The following CLPS variants were observed in gnomAD, a reference collection of about 807,000 sequenced individuals.
The protein encoded by CLPS is colipase, pancreatic.
In CLPS, 8 loss-of-function variants were observed where a neutral mutation model predicts 9.3. The ratio of observed to expected loss-of-function variants is 0.86; its 90% confidence interval spans 0.51 to 1.56. CLPS has a LOEUF of 1.56. Among genes scored for constraint, CLPS ranks in the 40% most tolerant of loss-of-function variants. CLPS has a pLI of 0.00. For missense variants in CLPS, 144 were observed against 145.7 expected, an observed-to-expected ratio of 0.99 and a Z score of 0.06; for synonymous variants, 61 against 56.2, an observed-to-expected ratio of 1.09 and a Z score of -0.39.
In CLPS at chr6:35,795,231, G is replaced by C; in HGVS notation, c.254C>G (p.Thr85Ser). 6.2e-7 allele frequency: 1 copy of C among 1,614,228 alleles called. No individual in the cohort carries two copies. The highest frequency in any genetic ancestry group is 1.3e-5 in the African/African-American group (1 of 75,068). The change falls in exon 3 of 3, where the codon ACC becomes AGC. Residue 85 changes from threonine (T) to serine (S), a missense_variant. Thr to Ser is a moderately conservative substitution (Grantham distance 58). Transcript: ENST00000259938. ...YYKCPCERGLTCEGDKTIVGS... is the reference protein window; with the variant it reads ...YYKCPCERGLSCEGDKTIVGS... ...CACGATGGTCTTGTCTCCCTCACAG[G>C]TCAGGCCACGCTCACAGGGACACTT...
chr6:35,795,145 C>G lies in CLPS; in HGVS notation c.*1G>C, dbSNP rs1241700686. The G allele has an allele frequency of 6.2e-7, 1 of 1,613,370 alleles. No homozygotes were observed. The highest frequency in any genetic ancestry group is 1.1e-5 in the South Asian group (1 of 90,938). On this transcript the variant is annotated 3_prime_UTR_variant, in exon 3 of 3. Coordinates refer to ENST00000259938, the MANE Select transcript of CLPS (RefSeq NM_001832.4). ...CTAGGTGTGGGAGTGGGTGGGCAGTCTCACTGCTTGGAGCGTCCAGCGTCA... is the reference window on the plus strand; with the variant it reads ...CTAGGTGTGGGAGTGGGTGGGCAGTGTCACTGCTTGGAGCGTCCAGCGTCA...
At chr6:35,795,931 T>A in intron 1 of CLPS, 78 bp from the exon 2 acceptor site, 1 of 1,578,782 alleles carries the variant, frequency 6.3e-7, no homozygotes, top group Non-Finnish European at 8.6e-7. Context: ...CACCACACAC[T>A]ACCACTAACA....
intron 2 of CLPS, 102 bp from the exon 3 acceptor site, chr6:35,795,379 C>T (rs777322569): frequency 5.3e-5 from 79 of 1,501,992 alleles, no homozygotes; most frequent in African/African-American, 9.6e-5. Flanking sequence ...CCTGTGTTTT[C>T]GGGGAGTGCC....
intron 1 of CLPS, chr6:35,796,806 C>A (rs1339669095): frequency 1.3e-5 from 6 of 455,600 alleles, no homozygotes; most frequent in Admixed American, 4.9e-5. Context: ...TTATGGCAGG[C>A]ACCTGTAATC....
In CLPS at chr6:35,795,817, T is replaced by A; in HGVS notation, c.121A>T (p.Lys41Ter). 6.2e-7 allele frequency: 1 copy of A among 1,613,288 alleles called. No individual in the cohort carries two copies. The highest frequency in any genetic ancestry group is 2.2e-5 in the East Asian group (1 of 44,880). Residue 41 changes from lysine to a stop codon, truncating the protein, a stop_gained, in exon 2 of 3, where the codon AAG (lysine) becomes TAG (stop). Transcript: ENST00000259938. LOFTEE classifies it high-confidence loss of function. ...GELCMNSAQC[K>*]SNCCQHSSAL... Reference sequence around the variant, plus strand: ...CTTGAATGCTGGCAGCAATTGCTCTTACACTGGGCACTATTCATGCAGAGC... The same window carrying A: ...CTTGAATGCTGGCAGCAATTGCTCTAACACTGGGCACTATTCATGCAGAGC...
At position 35,795,041 on chromosome 6, in the gene CLPS, C is replaced by A. The variant is rs1287148024; in HGVS notation, c.*105G>T. 1 of 1,475,168 alleles carries A rather than the reference C, an allele frequency of 6.8e-7. No individual in the cohort carries two copies. Among genetic ancestry groups the A allele is most frequent in the African/African-American group, 1.4e-5 (1 of 71,642 alleles). The allele number at this position is 1,475,168 out of a possible 1,614,324, so 91.4% of individuals were successfully genotyped here. ...GCAATCAGAAAACAGATATGCTGGT[C>A]AAGGAGGTGGCCAGCCCGGGAGATG... On this transcript the variant is annotated 3_prime_UTR_variant, in exon 3 of 3. Transcript: ENST00000259938.
chr6:35,797,188 C>G lies in CLPS; in HGVS notation c.84+17G>C, dbSNP rs1160208957. The stretch of plus-strand genomic sequence containing the variant: ...ATCTGGGGACTCAGGAGGCGCCTCC[C>G]CTGAAGACCCTCTTACCAGGTTGAT... On this transcript the variant is annotated intron_variant, in intron 1 of 2. Coordinates refer to ENST00000259938, the MANE Select transcript of CLPS (RefSeq NM_001832.4). 1.2e-6 allele frequency: 2 copies of G among 1,610,968 alleles called. No homozygotes were observed. The highest frequency in any genetic ancestry group is 2.7e-5 in the African/African-American group (2 of 74,870).
At chr6:35,796,394 G>A (rs1768369651) in intron 1 of CLPS, among the ~76,000 whole-genome samples, 1 of 152,282 alleles carries the variant, frequency 6.6e-6, no homozygotes, top group African/African-American at 2.4e-5. Context: ...AAGACCCATG[G>A]TGGAGAGGTG....
intron 2 of CLPS, 140 bp downstream of exon 2, chr6:35,795,591 T>A: frequency 7.3e-7 from 1 of 1,374,686 alleles, no homozygotes; most frequent in Non-Finnish European, 9.9e-7. Context: ...GATGGGAAAG[T>A]GCTTTGACAC....
At position 35,795,734 on chromosome 6, in the gene CLPS, G is replaced by T; in HGVS notation, c.204C>A (p.Val68=). 6.2e-7 allele frequency: 1 copy of T among 1,612,110 alleles called. No homozygotes were observed. ...CGCCAAGTCCTCAGGCACCCACCTT[G>T]ACAGAGCACTCGCTGTTCTCGCTGG... The part of the protein sequence containing the change: ...SMASENSECS[V]KTLYGIYYKC... Residue 68 remains valine, a synonymous_variant, in exon 2 of 3, where the codon GTC becomes GTA. Transcript: ENST00000259938.
At position 35,797,299 on chromosome 6, in the gene CLPS, A is replaced by G; in HGVS notation, c.-11T>C. 6.2e-7 allele frequency: 1 copy of G among 1,613,274 alleles called. No individual in the cohort carries two copies. Among genetic ancestry groups the G allele is most frequent in the Non-Finnish European group, 8.5e-7 (1 of 1,179,542 alleles). ...CAGGATCTTCTCCATGGTGAGTGGGACAGCTGGTGTGGGTGGCGGGAGACA... is the reference window on the plus strand; with the variant it reads ...CAGGATCTTCTCCATGGTGAGTGGGGCAGCTGGTGTGGGTGGCGGGAGACA... On this transcript the variant is annotated 5_prime_UTR_variant, in exon 1 of 3. Coordinates refer to ENST00000259938, the MANE Select transcript of CLPS (RefSeq NM_001832.4).
chr6:35,797,253 G>C lies in CLPS; in HGVS notation c.36C>G (p.Leu12=). Residue 12 remains leucine (L), a synonymous_variant, in exon 1 of 3, where the codon CTC becomes CTG. Transcript: ENST00000259938. The stretch of plus-strand genomic sequence containing the variant: ...GGCCAGGAGCTGCATAGGCCACAGA[G>C]AGGGCGACAAGCAGGAGGATCAGGA... ...EKILILLLVA[L]SVAYAAPGPR... is the part of the protein sequence containing the mutation. 6.2e-7 allele frequency: 1 copy of C among 1,614,140 alleles called. No homozygotes were observed. The highest frequency in any genetic ancestry group is 8.5e-7 in the Non-Finnish European group (1 of 1,179,986).
chr6:35,796,437 A>G (rs2151065865), intron 1 of CLPS, among the ~76,000 whole-genome samples: 1 of 152,384 alleles, frequency 6.6e-6, no homozygotes, highest in African/African-American at 2.4e-5. Flanking sequence ...CAGCTGAACC[A>G]CTTTCCAGCT....
Position 35,795,130 on chromosome 6 carries a change from G to A in CLPS, c.*16C>T, listed in dbSNP as rs1369611938. 6.2e-7 allele frequency: 1 copy of A among 1,612,252 alleles called. No individual in the cohort carries two copies. The highest frequency in any genetic ancestry group is 2.2e-5 in the East Asian group (1 of 44,870). The stretch of plus-strand genomic sequence containing the variant: ...CTACAGCATTCTGGGCTAGGTGTGG[G>A]AGTGGGTGGGCAGTCTCACTGCTTG... On this transcript the variant is annotated 3_prime_UTR_variant, in exon 3 of 3. Coordinates refer to ENST00000259938, the MANE Select transcript of CLPS (RefSeq NM_001832.4).
intron 2 of CLPS, 60 bp from the exon 3 acceptor site, chr6:35,795,337 C>T (rs1375607840): frequency 5.7e-6 from 9 of 1,582,646 alleles, no homozygotes; most frequent in African/African-American, 1.3e-5. Context: ...CATCACTTGT[C>T]CCCTGCCTGA....
At chr6:35,796,315 C>T (rs1214366539) in intron 1 of CLPS, among the ~76,000 whole-genome samples, 1 of 152,272 alleles carries the variant, frequency 6.6e-6, no homozygotes, top group Non-Finnish European at 1.5e-5. Flanking sequence ...CAAGTCCAGC[C>T]ATGGCCCCAA....
chr6:35,797,211 G>A lies in CLPS; in HGVS notation c.78C>T (p.Ile26=), dbSNP rs1482413707. Residue 26 remains isoleucine (I), a synonymous_variant, in exon 1 of 3, where the codon ATC becomes ATT. Coordinates refer to ENST00000259938, the MANE Select transcript of CLPS (RefSeq NM_001832.4). The stretch of plus-strand genomic sequence containing the variant: ...CCCCTGAAGACCCTCTTACCAGGTT[G>A]ATAATGATCCCCCGGGGGCCAGGAG... ...YAAPGPRGII[I]NLENGELCMN... is the part of the protein sequence containing the mutation. 1.2e-6 allele frequency: 2 copies of A among 1,613,774 alleles called. No homozygotes were observed. Among genetic ancestry groups the A allele is most frequent in the East Asian group, 2.2e-5 (1 of 44,890 alleles).
At position 35,797,229 on chromosome 6, in the gene CLPS, G is replaced by T; in HGVS notation, c.60C>A (p.Gly20=). 2 of 1,614,086 alleles carry T rather than the reference G, an allele frequency of 1.2e-6. No individual in the cohort carries two copies. Among genetic ancestry groups the T allele is most frequent in the Non-Finnish European group, 1.7e-6 (2 of 1,179,948 alleles). Residue 20 remains glycine (G), a synonymous_variant, in exon 1 of 3, where the codon GGC becomes GGA. Coordinates refer to ENST00000259938, the MANE Select transcript of CLPS (RefSeq NM_001832.4). ...CCAGGTTGATAATGATCCCCCGGGG[G>T]CCAGGAGCTGCATAGGCCACAGAGA... The part of the protein sequence containing the change: ...VALSVAYAAP[G]PRGIIINLEN...
intron 2 of CLPS, 32 bp downstream of exon 2, chr6:35,795,698 TC>T: frequency 6.2e-7 from 1 of 1,606,860 alleles, no homozygotes. Context: ...CTCCCCATTC[TC>T]CCCCACCCAC....
Sources: gnomAD v4.1 joint callset for allele counts (sites outside exome capture counted in the v4.1 genomes callset) on GRCh38, gnomAD v4.1.1 for gene constraint, MANE v1.5 for transcripts, NCBI Gene and HGNC (gene_info 2026-07-23, HGNC 2026-07-21) for gene names.